The following TNRC6A variants were observed in gnomAD, a reference collection of about 807,000 sequenced individuals.
TNRC6A encodes the protein trinucleotide repeat containing adaptor 6A.
Under a neutral mutation model 221.2 loss-of-function variants are expected in TNRC6A, and 44 were observed. The ratio of observed to expected loss-of-function variants is 0.20; its 90% CI spans 0.16 to 0.26. TNRC6A has a LOEUF of 0.26. Ranked by LOEUF, TNRC6A falls within the 10% of genes least tolerant of loss-of-function variation. TNRC6A has a pLI of 1.00. For missense variants in TNRC6A, 2,199 were observed against 2,404.4 expected (o/e 0.91, Z 1.79); for synonymous variants, 847 against 838.5 (o/e 1.01, Z -0.18).
chr16:24,777,123 G>GCAGCAGCAGCCA lies in TNRC6A; in HGVS notation c.370_381dup (p.Gln124_Gln127dup), dbSNP rs761956832. ...AGCAGCAGCCACAGCCGCAGCCGCA[G>GCAGCAGCAGCCA]CAGCAGCAGCCACAGCAGCAGCCAC... On this transcript the variant is annotated inframe_insertion, in exon 5 of 25. Transcript: ENST00000395799. 4 of 1,611,664 alleles carry GCAGCAGCAGCCA rather than the reference G, an allele frequency of 2.5e-6. No homozygotes were observed. In the East Asian group the frequency reaches 8.9e-5, roughly 36 times the overall value.
chr16:24,781,693 C>T (rs1015045812), intron 5 of TNRC6A, among the ~76,000 whole-genome samples: 2 of 152,138 alleles, frequency 1.3e-5, no homozygotes, highest in African/African-American at 2.4e-5. Context: ...CCTCCTCCTG[C>T]GTTCCTTTGC....
rs568184112 is a variant in TNRC6A, at chr16:24,692,368, C to T, written n.402+51359C>T. Among the ~76,000 whole-genome samples, 4 of 152,162 alleles carry T rather than the reference C, an allele frequency of 2.6e-5. No homozygotes were observed. In the South Asian group the frequency reaches 8.3e-4, roughly 32 times the overall value. Reference sequence around the variant, plus strand: ...GGCGGATCACTTGAGGCCAGGAGTTCGAAACCAGCCTGGTCAACATGGTGA... The same window carrying T: ...GGCGGATCACTTGAGGCCAGGAGTTTGAAACCAGCCTGGTCAACATGGTGA... On this transcript the variant is annotated intron_variant and non_coding_transcript_variant, in intron 2 of 2. Coordinates refer to the TNRC6A transcript ENST00000566108.
At chr16:24,768,417 A>G (rs1246966864) in intron 4 of TNRC6A, among the ~76,000 whole-genome samples, 3 of 136,172 alleles carry the variant, frequency 2.2e-5, no homozygotes, top group Non-Finnish European at 4.6e-5. Flanking sequence ...TGGGGGACAG[A>G]GCGAGACTCT....
intron 2 of TNRC6A, chr16:24,661,325 CTG>C: frequency 6.6e-6 from 1 of 151,090 alleles, no homozygotes; most frequent in Non-Finnish European, 1.5e-5. Context: ...TCCTAAGAAA[CTG>C]TATGGCATAT....
chr16:24,791,673 C>G lies in TNRC6A; in HGVS notation c.3031C>G (p.Pro1011Ala), dbSNP rs1305439180. 6.2e-7 allele frequency: 1 copy of G among 1,613,658 alleles called. No homozygotes were observed. Among genetic ancestry groups the G allele is most frequent in the Admixed American group, 1.7e-5 (1 of 59,922 alleles). The change falls in exon 6 of 25, where the codon CCA (proline) becomes GCA (alanine). Residue 1011 changes from proline (P) to alanine (A), a missense_variant. Physicochemically the swap from Pro to Ala is conservative, Grantham distance 27. This residue lies in a region of TNRC6A where 1,405 missense variants were observed against 1,400.2 expected (regional missense o/e 1.00). Coordinates refer to ENST00000395799, the MANE Select transcript of TNRC6A (RefSeq NM_014494.4). ...IDDGTSAWGD[P>A]SKYNYKNVNM... ...TGATGGAACTTCAGCTTGGGGAGAT[C>G]CAAGCAAATACAACTACAAAAATGT...
At chr16:24,747,505 CT>C (rs1199582368) in intron 2 of TNRC6A, among the ~76,000 whole-genome samples, 6 of 152,146 alleles carry the variant, frequency 3.9e-5, no homozygotes, top group African/African-American at 1.4e-4. Flanking sequence ...GGGTGGCCCA[CT>C]TAGGCCTTTC....
At chr16:24,747,539 C>G (rs1430908099) in intron 2 of TNRC6A, among the ~76,000 whole-genome samples, 2 of 152,068 alleles carry the variant, frequency 1.3e-5, no homozygotes, top group African/African-American at 4.8e-5. Flanking sequence ...CCTTGCTCCT[C>G]TTGATAGTTG....
intron 4 of TNRC6A, among the ~76,000 whole-genome samples, chr16:24,759,015 A>G (rs1451840893): frequency 6.6e-6 from 1 of 152,178 alleles, no homozygotes; most frequent in Non-Finnish European, 1.5e-5. Flanking sequence ...TTAAGCCTCA[A>G]GATTCTGAAT....
chr16:24,800,337 A>G (rs1340604026), intron 11 of TNRC6A, among the ~76,000 whole-genome samples: 2 of 152,172 alleles, frequency 1.3e-5, no homozygotes, highest in African/African-American at 2.4e-5. Context: ...TTGTCTCCCA[A>G]CTTGCTTTGT....
chr16:24,700,572 TC>T (rs2055952489), intron 2 of TNRC6A, among the ~76,000 whole-genome samples: 1 of 152,024 alleles, frequency 6.6e-6, no homozygotes, highest in East Asian at 1.9e-4. Context: ...TAAGTGGTGC[TC>T]CAGGGGGTTC....
intron 2 of TNRC6A, among the ~76,000 whole-genome samples, chr16:24,740,840 T>A (rs1378844417): frequency 6.6e-6 from 1 of 152,198 alleles, no homozygotes; most frequent in Non-Finnish European, 1.5e-5. Context: ...AATTCCACCT[T>A]CTGTCTGTAT....
chr16:24,781,399 C>G (rs548676068), intron 5 of TNRC6A, among the ~76,000 whole-genome samples: 31 of 152,204 alleles, frequency 2.0e-4, no homozygotes, highest in Admixed American at 3.9e-4. Context: ...GAATTTCTCC[C>G]TCCCCCCTTT....
chr16:24,788,595 G>A (rs1177697512), intron 5 of TNRC6A, among the ~76,000 whole-genome samples: 1 of 150,884 alleles, frequency 6.6e-6, no homozygotes, highest in African/African-American at 2.4e-5. Flanking sequence ...TGCCTGGGTT[G>A]TTCCGTTATC....
chr16:24,621,293 T>C (rs1048256324), intron 1 of TNRC6A, among the ~76,000 whole-genome samples: 4 of 150,732 alleles, frequency 2.7e-5, no homozygotes, highest in Admixed American at 6.6e-5. Flanking sequence ...ATGGTTCAAA[T>C]TGGTCACATT....
At chr16:24,653,539 G>A (rs1902781559) in intron 2 of TNRC6A, among the ~76,000 whole-genome samples, 1 of 152,176 alleles carries the variant, frequency 6.6e-6, no homozygotes, top group Non-Finnish European at 1.5e-5. Context: ...ACTTTGGGAG[G>A]CTGAGGCGGG....
At chr16:24,701,486 C>A (rs1408254041) in intron 2 of TNRC6A, among the ~76,000 whole-genome samples, 2 of 152,070 alleles carry the variant, frequency 1.3e-5, no homozygotes, top group Admixed American at 1.3e-4. Context: ...CCTGCCTCAG[C>A]CTCCCGAGTA....
chr16:24,642,512 A>G (rs1217217187), intron 2 of TNRC6A, among the ~76,000 whole-genome samples: 1 of 152,160 alleles, frequency 6.6e-6, no homozygotes, highest in African/African-American at 2.4e-5. Flanking sequence ...GTAGAGGATA[A>G]GGAATAGCTT....
chr16:24,776,842 T>A, intron 4 of TNRC6A, 91 bp from the exon 5 acceptor site: 1 of 1,519,656 alleles, frequency 6.6e-7, no homozygotes, highest in Non-Finnish European at 8.8e-7. Flanking sequence ...TTAGGATTAT[T>A]TTTCTTAGTG....
chr16:24,799,178 T>G (rs1347767241), intron 11 of TNRC6A, among the ~76,000 whole-genome samples: 1 of 152,180 alleles, frequency 6.6e-6, no homozygotes, highest in African/African-American at 2.4e-5. Context: ...CCTCTCCTCT[T>G]GCACCTTCTA....
Sources: gnomAD v4.1 joint callset for allele counts (sites outside exome capture counted in the v4.1 genomes callset) on GRCh38, gnomAD v4.1.1 for gene constraint, gnomAD v4.1.1 regional missense constraint, MANE v1.5 for transcripts, NCBI Gene and HGNC (gene_info 2026-07-23, HGNC 2026-07-21) for gene names.